FAM168A: variants seen among roughly 807,000 people sequenced by gnomAD.
The protein encoded by FAM168A is protein FAM168A.
In FAM168A, 3 loss-of-function variants were observed where a neutral mutation model predicts 28.5. That is an observed-to-expected ratio of 0.11 (90% CI 0.05 to 0.27). FAM168A has a LOEUF of 0.27. Among genes scored for constraint, FAM168A ranks in the 10% least tolerant of loss-of-function variants. FAM168A has a pLI of 1.00. For missense variants in FAM168A, 222 were observed against 311.5 expected, an observed-to-expected ratio of 0.71 and a Z score of 2.16; for synonymous variants, 122 against 124.2, an observed-to-expected ratio of 0.98 and a Z score of 0.12.
At chr11:73,592,435 G>C (rs1452522453) in intron 1 of FAM168A, among the ~76,000 whole-genome samples, 1 of 152,200 alleles carries the variant, frequency 6.6e-6, no homozygotes, top group East Asian at 1.9e-4. Flanking sequence ...TAACAAAATA[G>C]AGAAAGAAAT....
intron 1 of FAM168A, among the ~76,000 whole-genome samples, chr11:73,556,724 T>C (rs942252677): frequency 5.3e-5 from 8 of 150,590 alleles, no homozygotes; most frequent in Admixed American, 1.3e-4. Context: ...TTTACTGCAA[T>C]AAAAAAAAAT....
At chr11:73,407,742 C>T in intron 6 of FAM168A, 99 bp from the exon 7 acceptor site, 3 of 925,618 alleles carry the variant, frequency 3.2e-6, no homozygotes, top group Non-Finnish European at 5.0e-6. Context: ...GCTCCCTCTG[C>T]CCAAATCCCC....
At chr11:73,449,047 C>A (rs1272512543) in intron 2 of FAM168A, among the ~76,000 whole-genome samples, 1 of 152,070 alleles carries the variant, frequency 6.6e-6, no homozygotes, top group Non-Finnish European at 1.5e-5. Context: ...ATGATCATGG[C>A]TCACTGCAGC....
chr11:73,546,464 G>A (rs1043359230), intron 1 of FAM168A, among the ~76,000 whole-genome samples: 9 of 152,128 alleles, frequency 5.9e-5, no homozygotes, highest in Admixed American at 3.9e-4. Flanking sequence ...GGGCACGGTG[G>A]CTCAACACCT....
At chr11:73,418,674 G>A (rs1272665724) in intron 4 of FAM168A, among the ~76,000 whole-genome samples, 5 of 152,192 alleles carry the variant, frequency 3.3e-5, no homozygotes, top group Non-Finnish European at 5.9e-5. Context: ...ATATCCCTTT[G>A]AGGGCTTATC....
chr11:73,453,424 G>A (rs1016690791), intron 2 of FAM168A, among the ~76,000 whole-genome samples: 16 of 151,910 alleles, frequency 1.1e-4, no homozygotes, highest in Non-Finnish European at 2.1e-4. Context: ...AGTTCTCTTC[G>A]AAAAAGAGAT....
chr11:73,407,531 T>C lies in FAM168A; in HGVS notation c.708A>G (p.Ter236=). ...PAYSYVPPHW[*] ...CACTCACTTGGATGGGCTGCAGGCTTTACCAGTGTGGGGGCACGTAGCTGT... is the reference window on the plus strand; with the variant it reads ...CACTCACTTGGATGGGCTGCAGGCTCTACCAGTGTGGGGGCACGTAGCTGT... The change falls in exon 7 of 8, where the codon TAA becomes TAG. Residue 236 remains the stop codon, a stop_retained_variant. Transcript: ENST00000356467. 6.3e-7 allele frequency: 1 copy of C among 1,580,894 alleles called. No homozygotes were observed. The highest frequency in any genetic ancestry group is 8.6e-7 in the Non-Finnish European group (1 of 1,168,380).
At chr11:73,505,734 G>A (rs1240027585) in intron 1 of FAM168A, among the ~76,000 whole-genome samples, 2 of 152,152 alleles carry the variant, frequency 1.3e-5, no homozygotes, top group Non-Finnish European at 2.9e-5. Flanking sequence ...TAACCCCTTT[G>A]TGAAGTACTT....
At chr11:73,484,753 T>C (rs1868031190) in intron 1 of FAM168A, among the ~76,000 whole-genome samples, 1 of 148,916 alleles carries the variant, frequency 6.7e-6, no homozygotes, top group Non-Finnish European at 1.5e-5. Flanking sequence ...TATATAGATA[T>C]ATAGGAATTT....
rs1868014859 is a variant in FAM168A at position 73,484,534 on chromosome 11, ATCTATATATCTATC to A, written c.-18-16056_-18-16043del. On this transcript the variant is annotated intron_variant, in intron 1 of 7. Coordinates refer to ENST00000356467, the MANE Select transcript of FAM168A (RefSeq NM_015159.3). ...TATATATAGATATATATATCTATAT[ATCTATATATCTATC>A]TATATCTATATATCTATATATCTAT... Among the ~76,000 whole-genome samples the A allele has an allele frequency of 1.2e-4, 17 of 146,164 alleles. 1 individual carries two copies. Among genetic ancestry groups the A allele is most frequent in the African/African-American group, 4.3e-4 (17 of 39,570 alleles).
intron 1 of FAM168A, among the ~76,000 whole-genome samples, chr11:73,480,583 C>G (rs1051697135): frequency 2.6e-5 from 4 of 152,082 alleles, no homozygotes; most frequent in African/African-American, 9.7e-5. Context: ...GAACAAAGTG[C>G]TTGAAACAGA....
chr11:73,491,013 A>T (rs1262042974), intron 1 of FAM168A, among the ~76,000 whole-genome samples: 1 of 152,202 alleles, frequency 6.6e-6, no homozygotes, highest in Non-Finnish European at 1.5e-5. Context: ...TGATACACAG[A>T]TTATACATAA....
At chr11:73,435,114 C>CT (rs1590772782) in intron 2 of FAM168A, among the ~76,000 whole-genome samples, 1 of 152,204 alleles carries the variant, frequency 6.6e-6, no homozygotes, top group Non-Finnish European at 1.5e-5. Context: ...AATACTGGAG[C>CT]TTTAATAATG....
At chr11:73,566,644 A>G (rs1176730044) in intron 1 of FAM168A, among the ~76,000 whole-genome samples, 2 of 152,264 alleles carry the variant, frequency 1.3e-5, no homozygotes, top group African/African-American at 4.8e-5. Context: ...ATGAGCCATC[A>G]TGATAAGAAA....
chr11:73,487,932 T>C (rs1237226223), intron 1 of FAM168A, among the ~76,000 whole-genome samples: 1 of 152,160 alleles, frequency 6.6e-6, no homozygotes, highest in Non-Finnish European at 1.5e-5. Context: ...CCTTGGTCAA[T>C]TTTTTAATAA....
intron 2 of FAM168A, among the ~76,000 whole-genome samples, chr11:73,434,828 G>C (rs1243048129): frequency 6.6e-6 from 1 of 152,248 alleles, no homozygotes; most frequent in Non-Finnish European, 1.5e-5. Context: ...GCAATCAGCT[G>C]AGAGGCTACT....
At chr11:73,581,981 T>A (rs1158495284) in intron 1 of FAM168A, among the ~76,000 whole-genome samples, 2 of 151,964 alleles carry the variant, frequency 1.3e-5, no homozygotes, top group Admixed American at 1.3e-4. Context: ...CCTCCCAAAG[T>A]GCTGGGATTA....
At chr11:73,449,923 T>G (rs1272947642) in intron 2 of FAM168A, among the ~76,000 whole-genome samples, 1 of 152,210 alleles carries the variant, frequency 6.6e-6, no homozygotes, top group Non-Finnish European at 1.5e-5. Context: ...CTGACAGCAG[T>G]AATAGCAAAA....
intron 1 of FAM168A, among the ~76,000 whole-genome samples, chr11:73,554,574 A>C (rs1443359393): frequency 6.6e-6 from 1 of 152,166 alleles, no homozygotes; most frequent in African/African-American, 2.4e-5. Flanking sequence ...CATAACAGGC[A>C]TTTTTCCAAA....
Sources: allele counts gnomAD v4.1 joint callset (sites outside exome capture counted in the v4.1 genomes callset), GRCh38; gene constraint gnomAD v4.1.1; transcripts MANE v1.5; gene names NCBI Gene and HGNC (gene_info 2026-07-23, HGNC 2026-07-21).